Variants in HECW2 observed in about 807,000 individuals in gnomAD.
HECW2 encodes E3 ubiquitin-protein ligase HECW2.
In HECW2, 61 loss-of-function variants were observed where a neutral mutation model predicts 175.2. The observed-to-expected ratio is 0.35, with a 90% CI of 0.28 to 0.43. The LOEUF (loss-of-function observed/expected upper bound fraction) is 0.43. Ranked by LOEUF, HECW2 falls within the 20% of genes least tolerant of loss-of-function variation. The probability of loss-of-function intolerance (pLI) is 1.00; values close to 1 mark genes in which losing one functional copy is unlikely to be tolerated. For synonymous variants in HECW2, 671 were observed against 731.0 expected (o/e 0.92, Z 1.32); for missense variants, 1,524 against 2,000.5 (o/e 0.76, Z 4.54).
In HECW2 at chr2:196,220,167, A is replaced by G. The variant is rs763350968; in HGVS notation, c.4294-14T>C. On this transcript the variant is annotated splice_polypyrimidine_tract_variant and intron_variant, in intron 25 of 28. Transcript: ENST00000644978. ...GGCATCCACCACCTGTGGAATAAAA[A>G]GAGTACAAGGCATGGCTTAGGAGCC... is the stretch of plus-strand genomic sequence containing the variant. 5.8e-6 allele frequency: 9 copies of G among 1,538,878 alleles called. No individual in the cohort carries two copies. The highest frequency in any genetic ancestry group is 8.1e-6 in the Non-Finnish European group (9 of 1,112,708).
chr2:196,220,720 G>A, intron 25 of HECW2, 75 bp downstream of exon 25: 1 of 1,459,912 alleles, frequency 6.8e-7, no homozygotes, highest in Non-Finnish European at 9.5e-7. Flanking sequence ...GTCTACACAT[G>A]TAAAGTACAA....
chr2:196,477,427 A>C (rs1686681527), intron 1 of HECW2, among the ~76,000 whole-genome samples: 1 of 152,214 alleles, frequency 6.6e-6, no homozygotes, highest in Non-Finnish European at 1.5e-5. Context: ...TAAAGAAAAC[A>C]GTTCTTCCAG....
chr2:196,501,879 T>C (rs1231140930), intron 1 of HECW2, among the ~76,000 whole-genome samples: 2 of 152,190 alleles, frequency 1.3e-5, no homozygotes, highest in African/African-American at 4.8e-5. Context: ...AAAAGCAGTA[T>C]ATAATATTTT....
intron 9 of HECW2, 60 bp from the exon 10 acceptor site, chr2:196,317,429 T>G: frequency 8.4e-7 from 1 of 1,197,542 alleles, no homozygotes; most frequent in Non-Finnish European, 1.2e-6. Context: ...CAAAACAGAC[T>G]CTATACAAAA....
chr2:196,488,629 T>TAC (rs139434140), intron 1 of HECW2, among the ~76,000 whole-genome samples: 7,853 of 147,104 alleles, frequency 0.053, 247 homozygotes, highest in African/African-American at 0.1. Flanking sequence ...GAAGAATGAA[T>TAC]ACACACACAC....
At chr2:196,482,591 T>C (rs1686878804) in intron 1 of HECW2, among the ~76,000 whole-genome samples, 1 of 151,988 alleles carries the variant, frequency 6.6e-6, no homozygotes, top group Non-Finnish European at 1.5e-5. Context: ...CAGAGGGTAA[T>C]AGTGGTTGCT....
chr2:196,589,246 C>G (rs922909570), intron 1 of HECW2, among the ~76,000 whole-genome samples: 1 of 152,018 alleles, frequency 6.6e-6, no homozygotes, highest in African/African-American at 2.4e-5. Context: ...ACATGCTGAC[C>G]AAGCTTTTGA....
At chr2:196,544,680 A>G (rs1449499458) in intron 1 of HECW2, among the ~76,000 whole-genome samples, 1 of 152,168 alleles carries the variant, frequency 6.6e-6, no homozygotes, top group Non-Finnish European at 1.5e-5. Context: ...CCTGGAGAGT[A>G]TTTCTATTAA....
intron 14 of HECW2, among the ~76,000 whole-genome samples, chr2:196,285,795 G>T (rs1690365638): frequency 6.6e-6 from 1 of 152,206 alleles, no homozygotes; most frequent in South Asian, 2.1e-4. Flanking sequence ...GGAATCAGTA[G>T]TCCCAATTAT....
intron 15 of HECW2, among the ~76,000 whole-genome samples, chr2:196,275,177 G>A (rs1306216324): frequency 1.3e-5 from 2 of 151,928 alleles, no homozygotes; most frequent in East Asian, 1.9e-4. Flanking sequence ...GCCCCTCCTC[G>A]ACAAGGTCTT....
chr2:196,386,337 T>C (rs1024542316), intron 2 of HECW2, among the ~76,000 whole-genome samples: 4 of 152,124 alleles, frequency 2.6e-5, no homozygotes, highest in African/African-American at 9.7e-5. Context: ...GTAGGCCTCA[T>C]TCAGAAGGGG....
At chr2:196,428,953 G>A (rs907415071) in intron 2 of HECW2, among the ~76,000 whole-genome samples, 1 of 152,174 alleles carries the variant, frequency 6.6e-6, no homozygotes, top group Non-Finnish European at 1.5e-5. Context: ...GCCAGTCCAA[G>A]ATCTATTTTC....
intron 2 of HECW2, among the ~76,000 whole-genome samples, chr2:196,405,236 T>A (rs1253251361): frequency 6.6e-6 from 1 of 152,100 alleles, no homozygotes; most frequent in Non-Finnish European, 1.5e-5. Context: ...AAACCACACC[T>A]GCAGTCCAGC....
At chr2:196,389,279 T>C (rs1204860567) in intron 2 of HECW2, among the ~76,000 whole-genome samples, 2 of 152,170 alleles carry the variant, frequency 1.3e-5, no homozygotes, top group Non-Finnish European at 2.9e-5. Context: ...AATGGGCAAA[T>C]GGATGTGTTA....
At chr2:196,282,066 A>G (rs1217702607) in intron 14 of HECW2, among the ~76,000 whole-genome samples, 1 of 152,208 alleles carries the variant, frequency 6.6e-6, no homozygotes, top group Non-Finnish European at 1.5e-5. Context: ...TTTCTGAAAC[A>G]GTTTCCTAAG....
intron 9 of HECW2, 46 bp from the exon 10 acceptor site, chr2:196,317,415 G>T (rs191479903): frequency 7.5e-6 from 10 of 1,331,950 alleles, no homozygotes; most frequent in African/African-American, 1.4e-5. Flanking sequence ...TTCTCTTTCA[G>T]TATCAAAACA....
At chr2:196,475,084 C>T (rs1686519405) in intron 1 of HECW2, among the ~76,000 whole-genome samples, 1 of 152,110 alleles carries the variant, frequency 6.6e-6, no homozygotes, top group African/African-American at 2.4e-5. Flanking sequence ...CATCAACAAC[C>T]AAAGGCCCTT....
Position 196,222,237 on chromosome 2 carries a change from T to A in HECW2, c.4120A>T (p.Thr1374Ser), listed in dbSNP as rs1179673345. 1 of 1,613,646 alleles carries A rather than the reference T, an allele frequency of 6.2e-7. No individual in the cohort carries two copies. The highest frequency in any genetic ancestry group is 8.5e-7 in the Non-Finnish European group (1 of 1,179,844). The part of the protein sequence containing the change: ...DIHDILDLTF[T>S]VNEEVFGQIT... ...TGCCCAAATACTTCTTCGTTCACAG[T>A]GAACGTGAGGTCTAGGATGTCATGG... Residue 1374 changes from threonine to serine, a missense_variant, in exon 24 of 29, where the codon ACT becomes TCT. By Grantham distance (58) the Thr-to-Ser change is moderately conservative. This residue lies in a region of HECW2 where 134 missense variants were observed against 287.8 expected (regional missense o/e 0.47). Transcript: ENST00000644978.
chr2:196,538,070 A>G (rs1036509227), intron 1 of HECW2, among the ~76,000 whole-genome samples: 1 of 152,118 alleles, frequency 6.6e-6, no homozygotes, highest in Admixed American at 6.5e-5. Context: ...GTCCTGTAAC[A>G]CTCGTACTCA....
Sources: gnomAD v4.1 joint callset for allele counts (sites outside exome capture counted in the v4.1 genomes callset) on GRCh38, gnomAD v4.1.1 for gene constraint, gnomAD v4.1.1 regional missense constraint, MANE v1.5 for transcripts, NCBI Gene and HGNC (gene_info 2026-07-23, HGNC 2026-07-21) for gene names.